The following FARP1 variants were observed in gnomAD, a reference collection of about 807,000 sequenced individuals.
The protein encoded by FARP1 is FERM, ARH/RhoGEF and pleckstrin domain protein 1.
A neutral mutation model predicts 128.8 loss-of-function variants in FARP1; 52 were observed. That is an observed-to-expected ratio of 0.40 (90% CI 0.32 to 0.51). FARP1 has a LOEUF of 0.51. Among genes scored for constraint, FARP1 ranks in the 20% least tolerant of loss-of-function variants. The pLI is 0.45. For missense variants in FARP1, 1,333 were observed against 1,367.9 expected (o/e 0.97, Z 0.40); for synonymous variants, 580 against 551.8 (o/e 1.05, Z -0.72).
chr13:98,353,410 C>T (rs534247619), intron 3 of FARP1, among the ~76,000 whole-genome samples: 2 of 152,270 alleles, frequency 1.3e-5, no homozygotes, highest in Admixed American at 1.3e-4. Context: ...CAGAGTTTCA[C>T]TCTTGTTGCC....
chr13:98,194,008 C>T (rs1405986683), intron 1 of FARP1, among the ~76,000 whole-genome samples: 1 of 151,976 alleles, frequency 6.6e-6, no homozygotes, highest in Non-Finnish European at 1.5e-5. Context: ...TTTTCTTTTG[C>T]TTTATCATGC....
chr13:98,176,982 C>T lies in FARP1; in HGVS notation c.-24+33490C>T. On this transcript the variant is annotated intron_variant, in intron 1 of 26. Coordinates refer to ENST00000319562, the MANE Select transcript of FARP1 (RefSeq NM_005766.4). The surrounding 1 kb of genome is among the most constrained non-coding windows in gnomAD (Gnocchi z 6.2). ...ACACCACGTCGAGGCTCTCAGGCGC[C>T]GCCTCCTCGCCCCTCCTGTCGCCGT... The T allele has an allele frequency of 5.0e-6, 8 of 1,599,502 alleles. No individual in the cohort carries two copies. The highest frequency in any genetic ancestry group is 6.8e-6 in the Non-Finnish European group (8 of 1,179,562).
At position 98,396,010 on chromosome 13, in the gene FARP1, C is replaced by G. The variant is rs1418806144; in HGVS notation, c.1414+534C>G. On this transcript the variant is annotated intron_variant, in intron 13 of 26. Transcript: ENST00000319562. ...CCCGGACCAGGGTCCTCCTTATGAACGCTGGTCCCCCACCTCGCCAAGGCC... is the reference window on the plus strand; with the variant it reads ...CCCGGACCAGGGTCCTCCTTATGAAGGCTGGTCCCCCACCTCGCCAAGGCC... The G allele has an allele frequency of 1.8e-5, 7 of 399,068 alleles. No homozygotes were observed. In the South Asian group the frequency reaches 6.4e-4, roughly 36 times the overall value. The allele number at this position is 399,068 out of a possible 1,614,324, so 24.7% of individuals were successfully genotyped here.
intron 26 of FARP1, chr13:98,447,851 A>AAAAAG (rs1892947569): frequency 4.8e-6 from 1 of 209,972 alleles, no homozygotes; most frequent in African/African-American, 2.4e-5. Flanking sequence ...TCTCAAAAAA[A>AAAAAG]AAAGAAAAAG....
chr13:98,155,664 G>A (rs1214671073), intron 1 of FARP1, among the ~76,000 whole-genome samples: 1 of 152,058 alleles, frequency 6.6e-6, no homozygotes, highest in African/African-American at 2.4e-5. Context: ...GACTACAGGT[G>A]TGCACCACCA....
intron 13 of FARP1, chr13:98,403,321 A>G (rs4772074): frequency 0.59 from 89,917 of 152,076 alleles, 27,639 homozygotes; most frequent in Non-Finnish European, 0.68. Context: ...GGGGGCCCTT[A>G]GAGGTGAGCA....
chr13:98,313,280 A>G, intron 2 of FARP1, among the ~76,000 whole-genome samples: 1 of 99,474 alleles, frequency 1.0e-5, no homozygotes, highest in East Asian at 4.3e-4. Flanking sequence ...CACACTCTGG[A>G]ATCGGGTGGG....
At chr13:98,316,746 G>A (rs1162510848) in intron 2 of FARP1, among the ~76,000 whole-genome samples, 1 of 152,204 alleles carries the variant, frequency 6.6e-6, no homozygotes, top group Non-Finnish European at 1.5e-5. Context: ...TTGCCGAAAT[G>A]AGTCTTGTCC....
At position 98,213,395 on chromosome 13, in the gene FARP1, G is replaced by A. The variant is rs749221599; in HGVS notation, c.153G>A (p.Gln51=). Residue 51 remains glutamine, a synonymous_variant, in exon 2 of 27, where the codon CAG becomes CAA. Transcript: ENST00000319562. ...AAATCCAGATGCTGGATGACACCCA[G>A]GAGGCATTTGAAGTTCCAGTAAGTT... ...SIKIQMLDDT[Q]EAFEVPQRAP... is the part of the protein sequence containing the mutation. 4.3e-6 allele frequency: 7 copies of A among 1,613,818 alleles called. No homozygotes were observed. In the African/African-American group the frequency reaches 9.3e-5, roughly 22 times the overall value.
rs553945629 is a variant in FARP1, at chr13:98,451,577, C to G, written c.*3260C>G. On this transcript the variant is annotated 3_prime_UTR_variant, in exon 27 of 27. Coordinates refer to ENST00000319562, the MANE Select transcript of FARP1 (RefSeq NM_005766.4). ...ACTCAAGCATCTGTAGCTCAGGGCTCTGTCCCCTCCCTATAGCTTAGAGGC... is the reference window on the plus strand; with the variant it reads ...ACTCAAGCATCTGTAGCTCAGGGCTGTGTCCCCTCCCTATAGCTTAGAGGC... 6.6e-6 allele frequency: 1 copy of G among 152,302 alleles called. No homozygotes were observed. The highest frequency in any genetic ancestry group is 1.9e-4 in the East Asian group (1 of 5,180). The allele number at this position is 152,302 out of a possible 1,614,324, so 9.4% of individuals were successfully genotyped here.
Position 98,438,842 on chromosome 13 carries a change from G to C in FARP1, c.2313G>C (p.Gly771=), listed in dbSNP as rs1214014676. The C allele has an allele frequency of 1.9e-6, 3 of 1,613,534 alleles. No homozygotes were observed. Among genetic ancestry groups the C allele is most frequent in the Non-Finnish European group, 2.5e-6 (3 of 1,180,008 alleles). ...TGGGCAGCCTCAGCAAGCTCTCGGG[G>C]AAGGGGCTCCAGCAGCGCATGTTCT... The part of the protein sequence containing the change: ...IRLGSLSKLS[G]KGLQQRMFFL... The change falls in exon 20 of 27, where the codon GGG becomes GGC. Residue 771 remains glycine, a synonymous_variant. Transcript: ENST00000319562.
Position 98,377,889 on chromosome 13 carries a change from C to G in FARP1, c.467C>G (p.Ala156Gly), listed in dbSNP as rs1281620783. Reference sequence around the variant, plus strand: ...AGGTTGACGTGTAATGACACCAGCGCAGCTCTCTTGATTTCACACATTGTG... The same window carrying G: ...AGGTTGACGTGTAATGACACCAGCGGAGCTCTCTTGATTTCACACATTGTG... ...QGRLTCNDTS[A>G]ALLISHIVQS... is the part of the protein sequence containing the mutation. Residue 156 changes from alanine to glycine, a missense_variant, in exon 6 of 27, where the codon GCA (alanine) becomes GGA (glycine). Around this residue, in one of 2 missense-constraint regions of FARP1, gnomAD observed 324 missense variants for 398.1 expected, o/e 0.81. Transcript: ENST00000319562. The G allele has an allele frequency of 6.2e-7, 1 of 1,613,692 alleles. No homozygotes were observed. The highest frequency in any genetic ancestry group is 1.3e-5 in the African/African-American group (1 of 75,048).
At chr13:98,260,419 G>A (rs1883821575) in intron 2 of FARP1, among the ~76,000 whole-genome samples, 1 of 152,026 alleles carries the variant, frequency 6.6e-6, no homozygotes, top group Admixed American at 6.5e-5. Flanking sequence ...ATTCCATTTT[G>A]GTATAGTCAG....
At chr13:98,299,510 C>G (rs1885835054) in intron 2 of FARP1, among the ~76,000 whole-genome samples, 11 of 152,170 alleles carry the variant, frequency 7.2e-5, no homozygotes, top group Admixed American at 7.2e-4. Flanking sequence ...ACAGAAGACT[C>G]ATAAGCCTTG....
intron 16 of FARP1, 42 bp downstream of exon 16, chr13:98,412,076 C>G (rs1891214616): frequency 3.8e-6 from 6 of 1,598,740 alleles, no homozygotes; most frequent in South Asian, 1.1e-5. Flanking sequence ...CTCCCTCCGT[C>G]TTGCTTGTGT....
At chr13:98,296,243 G>A (rs1480130202) in intron 2 of FARP1, among the ~76,000 whole-genome samples, 1 of 152,094 alleles carries the variant, frequency 6.6e-6, no homozygotes, top group South Asian at 2.1e-4. Flanking sequence ...CGTGGATTAG[G>A]CTCGTCACCT....
intron 3 of FARP1, among the ~76,000 whole-genome samples, chr13:98,347,244 C>T (rs1888219061): frequency 6.6e-6 from 1 of 152,162 alleles, no homozygotes; most frequent in Non-Finnish European, 1.5e-5. Flanking sequence ...TCGTCATCTT[C>T]GTAGTTATTA....
At chr13:98,315,235 A>G (rs1157960209) in intron 2 of FARP1, among the ~76,000 whole-genome samples, 1 of 152,142 alleles carries the variant, frequency 6.6e-6, no homozygotes, top group Non-Finnish European at 1.5e-5. Context: ...CAGCCTCCTG[A>G]GTAGCTGGGA....
At chr13:98,417,497 G>T (rs898389919) in intron 16 of FARP1, among the ~76,000 whole-genome samples, 4 of 147,242 alleles carry the variant, frequency 2.7e-5, no homozygotes, top group African/African-American at 7.9e-5. Context: ...ACACATGGGG[G>T]TGGAGGGTCC....
Sources: allele counts gnomAD v4.1 joint callset (sites outside exome capture counted in the v4.1 genomes callset), GRCh38; gene constraint gnomAD v4.1.1; regional missense constraint gnomAD v4.1.1; non-coding constraint Gnocchi (gnomAD v3.1); transcripts MANE v1.5; gene names NCBI Gene and HGNC (gene_info 2026-07-23, HGNC 2026-07-21).